CLU: variants seen among roughly 807,000 people sequenced by gnomAD.
The protein encoded by CLU is aging-associated protein 4.
Under a neutral mutation model 46.4 loss-of-function variants are expected in CLU, and 25 were observed. That is an observed-to-expected ratio of 0.54 (90% CI 0.39 to 0.75). The LOEUF (loss-of-function observed/expected upper bound fraction) is 0.75, where lower values mean the gene tolerates loss of function less well. CLU is among the 30% of genes least tolerant of loss of function. The pLI, the probability that CLU is intolerant of heterozygous loss-of-function variation, is 0.00. For synonymous variants in CLU, 235 were observed against 235.1 expected (o/e 1.00, Z 0.00); for missense variants, 504 against 592.1 (o/e 0.85, Z 1.54).
At chr8:27,604,069 C>T (rs1800769325) in intron 6 of CLU, 1 of 576,390 alleles carries the variant, frequency 1.7e-6, no homozygotes, top group Non-Finnish European at 3.1e-6. Context: ...AACGACATCT[C>T]ACCGACTTCA....
Position 27,597,104 on chromosome 8 carries a change from T to G in CLU, c.*1137A>C. On this transcript the variant is annotated 3_prime_UTR_variant, in exon 9 of 9. Transcript: ENST00000316403. ...ACTTACCTTGGACATAAGCTAAGCT[T>G]TAAGTTTGTTGTTTATAACTTCAAA... 2.2e-6 allele frequency: 1 copy of G among 454,110 alleles called. No individual in the cohort carries two copies. Among genetic ancestry groups the G allele is most frequent in the Non-Finnish European group, 4.4e-6 (1 of 226,794 alleles). The allele number at this position is 454,110 out of a possible 1,614,324, so 28.1% of individuals were successfully genotyped here.
At chr8:27,604,688 A>G (rs1800783539) in intron 5 of CLU, among the ~76,000 whole-genome samples, 1 of 152,210 alleles carries the variant, frequency 6.6e-6, no homozygotes, top group Non-Finnish European at 1.5e-5. Flanking sequence ...TATCTTGGCC[A>G]GGCTGGTCTC....
chr8:27,600,216 A>G (rs1266033972), intron 6 of CLU, among the ~76,000 whole-genome samples: 1 of 152,086 alleles, frequency 6.6e-6, no homozygotes, highest in Admixed American at 6.6e-5. Flanking sequence ...TCATCCAGAA[A>G]GTCTTTTGGG....
At chr8:27,612,864 T>G (rs540314748) in intron 1 of CLU, among the ~76,000 whole-genome samples, 12 of 151,168 alleles carry the variant, frequency 7.9e-5, no homozygotes, top group Admixed American at 4.0e-4. Context: ...TAAGAAGGCT[T>G]AAACCACTTG....
chr8:27,598,481 T>C lies in CLU; in HGVS notation c.1319A>G (p.Gln440Arg). Reference sequence around the variant, plus strand: ...TTACCGGTGCTTTTTGCGGTATTCCTGCAGCGCTTTCTCCGCCACGGTCTC... The same window carrying C: ...TTACCGGTGCTTTTTGCGGTATTCCCGCAGCGCTTTCTCCGCCACGGTCTC... ...FMETVAEKALQEYRKKHREE is the reference protein window; with the variant it reads ...FMETVAEKALREYRKKHREE The change falls in exon 8 of 9, where the codon CAG becomes CGG. Residue 440 changes from glutamine (Q) to arginine (R), a missense_variant. Gln to Arg is a conservative substitution (Grantham distance 43). Around this residue, in one of 3 missense-constraint regions of CLU, gnomAD observed 428 missense variants for 484.0 expected, o/e 0.88. Transcript: ENST00000316403. 6.2e-7 allele frequency: 1 copy of C among 1,614,096 alleles called. No individual in the cohort carries two copies. Among genetic ancestry groups the C allele is most frequent in the East Asian group, 2.2e-5 (1 of 44,874 alleles).
intron 1 of CLU, chr8:27,614,212 A>C (rs1474508624): frequency 6.5e-6 from 1 of 154,058 alleles, no homozygotes; most frequent in East Asian, 1.9e-4. Context: ...TTAGAAGAAA[A>C]CTAGATGACT....
At position 27,609,041 on chromosome 8, in the gene CLU, T is replaced by C. The variant is rs1293674091; in HGVS notation, c.143A>G (p.Asn48Ser). ...TATCTGTTTCACCCCGTTGACAGCA[T>C]TTTGAATTTCCTTATTGACGTACTT... ...GSKYVNKEIQ[N>S]AVNGVKQIKT... The change falls in exon 3 of 9, where the codon AAT (asparagine) becomes AGT (serine). Residue 48 changes from asparagine to serine, a missense_variant. Coordinates refer to ENST00000316403, the MANE Select transcript of CLU (RefSeq NM_001831.4). 2 of 1,614,150 alleles carry C rather than the reference T, an allele frequency of 1.2e-6. No homozygotes were observed. The highest frequency in any genetic ancestry group is 2.2e-5 in the South Asian group (2 of 91,088).
At position 27,598,089 on chromosome 8, in the gene CLU, C is replaced by G. The variant is rs1227215633; in HGVS notation, c.*152G>C. On this transcript the variant is annotated 3_prime_UTR_variant, in exon 9 of 9. Transcript: ENST00000316403. ...AGAGTCGAGTGTTAGAGTGCAGGAT[C>G]CAGAGCGGGGAGAGGCTGGGCGGAG... is the stretch of plus-strand genomic sequence containing the variant. 2 of 736,384 alleles carry G rather than the reference C, an allele frequency of 2.7e-6. No individual in the cohort carries two copies. Among genetic ancestry groups the G allele is most frequent in the East Asian group, 5.4e-5 (2 of 37,352 alleles). 45.6% of individuals were successfully genotyped at this position (736,384 alleles called of 1,614,324 possible). A position where few individuals can be genotyped will look rare whatever the true frequency, so the allele number is the denominator to read the frequency against.
At chr8:27,611,555 T>G (rs1800930785) in intron 1 of CLU, 1 of 442,960 alleles carries the variant, frequency 2.3e-6, no homozygotes, top group Admixed American at 2.4e-5. Flanking sequence ...CCCCCTGCAC[T>G]CCACCCCCAC....
chr8:27,612,855 A>G (rs1800953352), intron 1 of CLU, among the ~76,000 whole-genome samples: 1 of 151,558 alleles, frequency 6.6e-6, no homozygotes, highest in Non-Finnish European at 1.5e-5. Flanking sequence ...CATTCTCCCT[A>G]AGAAGGCTTA....
At chr8:27,610,738 T>A in intron 1 of CLU, 138 bp from the exon 2 acceptor site, 2 of 673,500 alleles carry the variant, frequency 3.0e-6, no homozygotes, top group Non-Finnish European at 5.3e-6. Context: ...CTTTTATTCC[T>A]GAGGAAATGG....
At position 27,597,818 on chromosome 8, in the gene CLU, T is replaced by C. The variant is rs750972205; in HGVS notation, c.*423A>G. On this transcript the variant is annotated 3_prime_UTR_variant, in exon 9 of 9. Coordinates refer to ENST00000316403, the MANE Select transcript of CLU (RefSeq NM_001831.4). Reference sequence around the variant, plus strand: ...TTCTTGAAGTGGATCAACCTTGTCATCATATCCCTTTTATTCTTCACCCTT... The same window carrying C: ...TTCTTGAAGTGGATCAACCTTGTCACCATATCCCTTTTATTCTTCACCCTT... 2.2e-6 allele frequency: 1 copy of C among 463,638 alleles called. No individual in the cohort carries two copies. Among genetic ancestry groups the C allele is most frequent in the Non-Finnish European group, 4.3e-6 (1 of 233,564 alleles). The allele number at this position is 463,638 out of a possible 1,614,324, so 28.7% of individuals were successfully genotyped here. A position where few individuals can be genotyped will look rare whatever the true frequency, so the allele number is the denominator to read the frequency against.
chr8:27,604,926 C>T lies in CLU; in HGVS notation c.827G>A (p.Arg276Gln), dbSNP rs1168833638. ...AFQHPPTEFIREGDDDRTVCR... is the reference protein window; with the variant it reads ...AFQHPPTEFIQEGDDDRTVCR... ...CATGAGCTTCCACCCCTTCTCACCT[C>T]GTATGAATTCTGTTGGCGGGTGCTG... The change falls in exon 5 of 9, where the codon CGA (arginine) becomes CAA (glutamine). Residue 276 changes from arginine (R) to glutamine (Q), a missense_variant and splice_region_variant. Transcript: ENST00000316403. The T allele has an allele frequency of 1.9e-6, 3 of 1,614,174 alleles. No individual in the cohort carries two copies. The highest frequency in any genetic ancestry group is 2.2e-5 in the East Asian group (1 of 44,882).
chr8:27,601,994 G>C (rs1289007108), intron 6 of CLU, among the ~76,000 whole-genome samples: 1 of 152,266 alleles, frequency 6.6e-6, no homozygotes, highest in African/African-American at 2.4e-5. Flanking sequence ...AGGAGGCTGG[G>C]GCAGGAGAAT....
At chr8:27,614,353 A>G (rs952412422) in intron 1 of CLU, 1 of 215,040 alleles carries the variant, frequency 4.7e-6, no homozygotes, top group East Asian at 1.8e-4. Flanking sequence ...GCAGGTCTCC[A>G]GGTCTCAGTT....
chr8:27,607,923 A>G (rs562993315), intron 3 of CLU, among the ~76,000 whole-genome samples: 1 of 152,316 alleles, frequency 6.6e-6, no homozygotes, highest in East Asian at 1.9e-4. Flanking sequence ...TCAACTAAGA[A>G]GTAGCAGGCT....
intron 6 of CLU, among the ~76,000 whole-genome samples, 195 bp from the exon 7 acceptor site, chr8:27,600,204 C>T (rs898347835): frequency 1.3e-5 from 2 of 152,266 alleles, no homozygotes; most frequent in Admixed American, 6.5e-5. Context: ...ACACTGCTTC[C>T]GTCATCCAGA....
chr8:27,600,240 T>C (rs34604875), intron 6 of CLU, among the ~76,000 whole-genome samples: 1 of 152,150 alleles, frequency 6.6e-6, no homozygotes, highest in Non-Finnish European at 1.5e-5. Context: ...TTTGTTTTTG[T>C]TTTTGTTTTT....
intron 3 of CLU, among the ~76,000 whole-genome samples, chr8:27,606,840 C>T (rs1420659472): frequency 6.6e-6 from 1 of 152,278 alleles, no homozygotes; most frequent in African/African-American, 2.4e-5. Context: ...ACTACCCTCT[C>T]ACTGAAGCCT....
Sources: gnomAD v4.1 joint callset for allele counts (sites outside exome capture counted in the v4.1 genomes callset) on GRCh38, gnomAD v4.1.1 for gene constraint, gnomAD v4.1.1 regional missense constraint, MANE v1.5 for transcripts, NCBI Gene and HGNC (gene_info 2026-07-23, HGNC 2026-07-21) for gene names.